The following G6PC1 variants were observed in gnomAD, a reference collection of about 807,000 sequenced individuals.
G6PC1 encodes the protein G-6-Pase.
Under a neutral mutation model 30.4 loss-of-function variants are expected in G6PC1, and 23 were observed. The observed-to-expected ratio is 0.76, with a 90% CI of 0.55 to 1.07. The LOEUF (loss-of-function observed/expected upper bound fraction) is 1.07, where lower values mean the gene tolerates loss of function less well. G6PC1 is among the 50% of genes least tolerant of loss of function. The probability of loss-of-function intolerance (pLI) is 0.00; values close to 1 mark genes in which losing one functional copy is unlikely to be tolerated. For missense variants in G6PC1, 391 were observed against 433.9 expected, an observed-to-expected ratio of 0.90 and a Z score of 0.88; for synonymous variants, 163 against 175.6, an observed-to-expected ratio of 0.93 and a Z score of 0.57.
intron 3 of G6PC1, 105 bp downstream of exon 3, chr17:42,907,733 C>T (rs576442264): frequency 1.6e-4 from 123 of 785,486 alleles, no homozygotes; most frequent in Non-Finnish European, 2.1e-4. Flanking sequence ...CCCGCTCCCA[C>T]ACCTGGGCAG....
chr17:42,905,443 T>C lies in G6PC1; in HGVS notation c.340+1403T>C, dbSNP rs199745209. Among the ~76,000 whole-genome samples the C allele has an allele frequency of 9.7e-3, 853 of 87,872 alleles. 14 individuals are homozygous for C. Among genetic ancestry groups the C allele is most frequent in the East Asian group, 0.024 (81 of 3,344 alleles). 57.6% of individuals were successfully genotyped at this position (87,872 alleles called of 152,430 possible). ...AAAAAAAAAAAAATATATATATATA[T>C]ACACACACACACACACACACACACA... On this transcript the variant is annotated intron_variant, in intron 2 of 4. Transcript: ENST00000253801.
At chr17:42,909,095 C>T (rs939529210) in intron 3 of G6PC1, among the ~76,000 whole-genome samples, 6 of 152,130 alleles carry the variant, frequency 3.9e-5, no homozygotes, top group Non-Finnish European at 5.9e-5. Flanking sequence ...CCTCTCACCT[C>T]GGCCTCCCAA....
chr17:42,907,424 G>A lies in G6PC1; in HGVS notation c.341-99G>A, dbSNP rs2056068531. The A allele has an allele frequency of 6.5e-6, 5 of 769,690 alleles. No homozygotes were observed. The South Asian group carries it at 7.3e-5, about 11-fold the overall frequency. 47.7% of individuals were successfully genotyped at this position (769,690 alleles called of 1,614,324 possible). A position where few individuals can be genotyped will look rare whatever the true frequency, so the allele number is the denominator to read the frequency against. The stretch of plus-strand genomic sequence containing the variant: ...TGAATGGATGGATGAATGGGTAGAT[G>A]GGTGGATAGGGGGATGGCTGGGTGG... On this transcript the variant is annotated intron_variant, in intron 2 of 4. Transcript: ENST00000253801.
chr17:42,909,219 A>G, intron 3 of G6PC1, 84 bp from the exon 4 acceptor site: 1 of 1,038,792 alleles, frequency 9.6e-7, no homozygotes, highest in Non-Finnish European at 1.5e-6. Flanking sequence ...TAAGTTTGCC[A>G]GGCTCCAACA....
intron 2 of G6PC1, among the ~76,000 whole-genome samples, chr17:42,907,022 A>G (rs2056066132): frequency 6.6e-6 from 1 of 152,160 alleles, no homozygotes; most frequent in Non-Finnish European, 1.5e-5. Flanking sequence ...CTGGCAGAAG[A>G]GCTGTGAAGG....
chr17:42,901,172 C>T (rs1050660740), intron 1 of G6PC1, 66 bp downstream of exon 1: 4 of 1,389,204 alleles, frequency 2.9e-6, no homozygotes, highest in Non-Finnish European at 4.1e-6. Flanking sequence ...CAATGTCTGT[C>T]CATCAGAAGT....
Position 42,909,342 on chromosome 17 carries a change from G to A in G6PC1, c.486G>A (p.Val162=). 1 of 1,614,178 alleles carries A rather than the reference G, an allele frequency of 6.2e-7. No homozygotes were observed. Among genetic ancestry groups the A allele is most frequent in the East Asian group, 2.2e-5 (1 of 44,892 alleles). ...TTTTGTGGTTGGGATTCTGGGCTGT[G>A]CAGCTGAATGTCTGTCTGTCACGAA... is the stretch of plus-strand genomic sequence containing the variant. ...NVILWLGFWA[V]QLNVCLSRIY... The change falls in exon 4 of 5, where the codon GTG becomes GTA. Residue 162 remains valine, a synonymous_variant. Coordinates refer to ENST00000253801, the MANE Select transcript of G6PC1 (RefSeq NM_000151.4).
rs756944737 is a variant in G6PC1 at position 42,910,986 on chromosome 17, A to G, written c.634A>G (p.Ile212Val). 16 of 1,614,114 alleles carry G rather than the reference A, an allele frequency of 9.9e-6. No individual in the cohort carries two copies. Among genetic ancestry groups the G allele is most frequent in the Middle Eastern group, 1.6e-4 (1 of 6,062 alleles). Residue 212 changes from isoleucine to valine, a missense_variant, in exon 5 of 5, where the codon ATT becomes GTT. Ile to Val is a conservative substitution (Grantham distance 29). Coordinates refer to ENST00000253801, the MANE Select transcript of G6PC1 (RefSeq NM_000151.4). The part of the protein sequence containing the change: ...YNASLKKYFL[I>V]TFFLFSFAIG... The stretch of plus-strand genomic sequence containing the variant: ...TGCCAGCCTCAAGAAATATTTTCTC[A>G]TTACCTTCTTCCTGTTCAGCTTCGC...
At chr17:42,904,761 G>A (rs986972642) in intron 2 of G6PC1, among the ~76,000 whole-genome samples, 1 of 152,200 alleles carries the variant, frequency 6.6e-6, no homozygotes, top group Non-Finnish European at 1.5e-5. Flanking sequence ...AAAGATCCCT[G>A]CCCTTGTGGA....
chr17:42,905,498 T>C (rs1456079286), intron 2 of G6PC1, among the ~76,000 whole-genome samples: 1 of 132,678 alleles, frequency 7.5e-6, no homozygotes, highest in Non-Finnish European at 1.6e-5. Flanking sequence ...AAAATGATTG[T>C]TTATAGGCAA....
At chr17:42,905,026 C>T (rs1307742489) in intron 2 of G6PC1, among the ~76,000 whole-genome samples, 1 of 152,006 alleles carries the variant, frequency 6.6e-6, no homozygotes, top group East Asian at 1.9e-4. Flanking sequence ...GCAGGAGAAT[C>T]GCTTGAACCT....
intron 2 of G6PC1, among the ~76,000 whole-genome samples, chr17:42,905,989 T>A (rs888546158): frequency 1.3e-5 from 2 of 149,524 alleles, no homozygotes; most frequent in Admixed American, 6.7e-5. Flanking sequence ...GAGGTTGCAG[T>A]GAGCTGAAAT....
At chr17:42,901,130 T>C in intron 1 of G6PC1, 24 bp downstream of exon 1, 1 of 1,590,216 alleles carries the variant, frequency 6.3e-7, no homozygotes. Context: ...AGAGAGGAGA[T>C]CAGCAAGAAA....
At chr17:42,909,212 G>C in intron 3 of G6PC1, 91 bp from the exon 4 acceptor site, 1 of 979,140 alleles carries the variant, frequency 1.0e-6, no homozygotes, top group Non-Finnish European at 1.7e-6. Context: ...GAGCACCTAA[G>C]TTTGCCAGGC....
chr17:42,907,388 T>A (rs1288950365), intron 2 of G6PC1, 135 bp from the exon 3 acceptor site: 3 of 657,676 alleles, frequency 4.6e-6, no homozygotes, highest in Non-Finnish European at 8.2e-6. Flanking sequence ...GGTGAACGGA[T>A]GGATGGGGGG....
intron 3 of G6PC1, among the ~76,000 whole-genome samples, chr17:42,908,054 G>A (rs555962363): frequency 6.6e-6 from 1 of 152,226 alleles, no homozygotes; most frequent in African/African-American, 2.4e-5. Context: ...TTTTTGAGAT[G>A]CAGTCTCGCT....
intron 2 of G6PC1, 84 bp downstream of exon 2, chr17:42,904,124 G>A (rs1396185641): frequency 1.1e-6 from 1 of 885,830 alleles, no homozygotes; most frequent in African/African-American, 1.6e-5. Context: ...GGGGACATGA[G>A]GAGAGCCATT....
At position 42,912,180 on chromosome 17, in the gene G6PC1, G is replaced by A. The variant is rs2056100567; in HGVS notation, c.*754G>A. 1.3e-5 allele frequency: 2 copies of A among 152,366 alleles called. No homozygotes were observed. Among genetic ancestry groups the A allele is most frequent in the Admixed American group, 1.3e-4 (2 of 15,284 alleles). The allele number at this position is 152,366 out of a possible 1,614,324, so 9.4% of individuals were successfully genotyped here. ...TAGTAATGCACTCTCAGTAATGGGG[G>A]ACCAGCTTAAGTATAATTAATAGAT... is the stretch of plus-strand genomic sequence containing the variant. On this transcript the variant is annotated 3_prime_UTR_variant, in exon 5 of 5. Coordinates refer to ENST00000253801, the MANE Select transcript of G6PC1 (RefSeq NM_000151.4).
intron 3 of G6PC1, among the ~76,000 whole-genome samples, chr17:42,908,400 C>T (rs1193518110): frequency 6.7e-6 from 1 of 149,302 alleles, no homozygotes; most frequent in Non-Finnish European, 1.5e-5. Context: ...TAACCACTTG[C>T]CACAGGCATT....
Sources: allele counts gnomAD v4.1 joint callset (sites outside exome capture counted in the v4.1 genomes callset), GRCh38; gene constraint gnomAD v4.1.1; transcripts MANE v1.5; gene names NCBI Gene and HGNC (gene_info 2026-07-23, HGNC 2026-07-21).